Variants in PDE4D observed in about 807,000 individuals in gnomAD.
PDE4D encodes the protein 3',5'-cyclic-AMP phosphodiesterase 4D.
Under a neutral mutation model 87.4 loss-of-function variants are expected in PDE4D, and 24 were observed. The observed-to-expected ratio is 0.27, with a 90% CI of 0.20 to 0.39. PDE4D has a LOEUF of 0.39. Among genes scored for constraint, PDE4D ranks in the 10% least tolerant of loss-of-function variants. The pLI is 1.00. For synonymous variants in PDE4D, 384 were observed against 383.2 expected, an observed-to-expected ratio of 1.00 and a Z score of -0.02; for missense variants, 714 against 1,041.0, an observed-to-expected ratio of 0.69 and a Z score of 4.32.
chr5:59,509,732 A>G (rs193251784), intron 1 of PDE4D, among the ~76,000 whole-genome samples: 1 of 150,586 alleles, frequency 6.6e-6, no homozygotes, highest in African/African-American at 2.4e-5. Flanking sequence ...AATCACTTTG[A>G]TCTAAAATAA....
At chr5:59,587,617 A>C in intron 1 of PDE4D, 1 of 985,336 alleles carries the variant, frequency 1.0e-6, no homozygotes, top group Non-Finnish European at 1.2e-6. Context: ...GGTACTGTAC[A>C]TTAACTCTGC....
intron 3 of PDE4D, among the ~76,000 whole-genome samples, chr5:59,187,716 T>G (rs1743241511): frequency 6.6e-6 from 1 of 152,224 alleles, no homozygotes; most frequent in Non-Finnish European, 1.5e-5. Flanking sequence ...TAAATAATCT[T>G]GTAGAGAAAT....
At chr5:60,076,684 A>T (rs1282011858) in intron 2 of PDE4D, among the ~76,000 whole-genome samples, 1 of 352 alleles carries the variant, frequency 2.8e-3, no homozygotes, top group Non-Finnish European at 5.6e-3. Flanking sequence ...AAGGTTAGGA[A>T]CCTGCTCACT....
chr5:59,005,380 T>C (rs957311193), intron 6 of PDE4D, among the ~76,000 whole-genome samples: 8 of 152,312 alleles, frequency 5.3e-5, no homozygotes, highest in East Asian at 1.9e-4. Context: ...TTTAATCATA[T>C]TGAGTAAAAA....
chr5:59,870,007 A>G (rs192776307), intron 1 of PDE4D, among the ~76,000 whole-genome samples: 2 of 152,298 alleles, frequency 1.3e-5, no homozygotes, highest in Admixed American at 1.3e-4. Flanking sequence ...TTGTTATAAG[A>G]AAGAATGCTA....
At chr5:60,488,356 T>C (rs1459873705), upstream of PDE4D, 2 of 152,008 alleles carry the variant, frequency 1.3e-5, no homozygotes, top group Non-Finnish European at 1.5e-5. Flanking sequence ...CAATCTCAGC[T>C]GTGCCGGCGC....
At chr5:59,235,945 A>C (rs1379230393) in intron 1 of PDE4D, among the ~76,000 whole-genome samples, 3 of 152,222 alleles carry the variant, frequency 2.0e-5, no homozygotes, top group African/African-American at 4.8e-5. Context: ...TGCAAAACAA[A>C]GGGATTCCCA....
intron 1 of PDE4D, among the ~76,000 whole-genome samples, chr5:59,443,814 A>G (rs546987599): frequency 6.6e-6 from 1 of 152,270 alleles, no homozygotes; most frequent in East Asian, 1.9e-4. Context: ...GTCAATGGAG[A>G]AGTGGCCTTT....
intron 2 of PDE4D, among the ~76,000 whole-genome samples, chr5:60,071,051 T>A (rs976293494): frequency 3.2e-4 from 48 of 152,120 alleles, no homozygotes; most frequent in Admixed American, 9.2e-4. Flanking sequence ...CTGATTTTTT[T>A]ATTTGAGGCA....
chr5:59,627,048 A>T (rs1197011846), intron 1 of PDE4D, among the ~76,000 whole-genome samples: 1 of 152,206 alleles, frequency 6.6e-6, no homozygotes, highest in Non-Finnish European at 1.5e-5. Context: ...TTAATTTTTC[A>T]TACTTCCCCT....
At chr5:59,998,470 A>C (rs2152836944) in intron 2 of PDE4D, among the ~76,000 whole-genome samples, 1 of 152,256 alleles carries the variant, frequency 6.6e-6, no homozygotes, top group South Asian at 2.1e-4. Context: ...CCAACATCTC[A>C]TTTATAAAAA....
At chr5:59,408,148 G>A (rs1285953110) in intron 1 of PDE4D, among the ~76,000 whole-genome samples, 1 of 152,192 alleles carries the variant, frequency 6.6e-6, no homozygotes, top group African/African-American at 2.4e-5. Flanking sequence ...CAGTCCCAGT[G>A]GTACAGGAGG....
At chr5:59,877,327 C>T (rs1244630815) in intron 1 of PDE4D, among the ~76,000 whole-genome samples, 1 of 151,828 alleles carries the variant, frequency 6.6e-6, no homozygotes, top group African/African-American at 2.4e-5. Context: ...GAGGCAAAAG[C>T]ACATGGCAGA....
At chr5:60,428,350 C>T (rs1334274033) in intron 1 of PDE4D, among the ~76,000 whole-genome samples, 2 of 151,316 alleles carry the variant, frequency 1.3e-5, no homozygotes, top group Non-Finnish European at 2.9e-5. Context: ...TTCAAATGCT[C>T]TGAAAAGAGC....
intron 2 of PDE4D, among the ~76,000 whole-genome samples, chr5:60,008,244 G>A (rs772243463): frequency 2.6e-5 from 4 of 151,690 alleles, no homozygotes; most frequent in African/African-American, 7.3e-5. Flanking sequence ...TTATCCCCCC[G>A]GGTGTTAGCA....
intron 2 of PDE4D, among the ~76,000 whole-genome samples, chr5:59,212,175 G>A (rs775430640): frequency 6.6e-6 from 1 of 152,062 alleles, no homozygotes; most frequent in Non-Finnish European, 1.5e-5. Context: ...ACTAGGTAAG[G>A]TGAGAAAATT....
intron 1 of PDE4D, among the ~76,000 whole-genome samples, chr5:59,873,975 C>T (rs997478143): frequency 2.0e-5 from 3 of 152,128 alleles, no homozygotes; most frequent in African/African-American, 7.2e-5. Context: ...CTGTGAGAGA[C>T]TGAGGTGGGA....
chr5:59,722,685 A>G (rs6865459), intron 1 of PDE4D, among the ~76,000 whole-genome samples: 86,407 of 151,962 alleles, frequency 0.57, 25,114 homozygotes, highest in African/African-American at 0.63. Context: ...TATTTCTTAT[A>G]GAGTTACAAA....
intron 2 of PDE4D, among the ~76,000 whole-genome samples, chr5:60,047,915 A>AATTCCAGGTTCAAT (rs1769510635): frequency 2.6e-5 from 4 of 152,168 alleles, no homozygotes; most frequent in Admixed American, 2.0e-4. Context: ...ATTCCAGGGT[A>AATTCCAGGTTCAAT]TCCTTGTTGA....
Sources: allele counts gnomAD v4.1 joint callset (sites outside exome capture counted in the v4.1 genomes callset), GRCh38; gene constraint gnomAD v4.1.1; transcripts MANE v1.5; gene names NCBI Gene and HGNC (gene_info 2026-07-23, HGNC 2026-07-21).